Variants in HDAC1 observed in about 807,000 individuals in gnomAD.
HDAC1 encodes protein deacetylase HDAC1.
A neutral mutation model predicts 65.5 loss-of-function variants in HDAC1; 18 were observed. The ratio of observed to expected loss-of-function variants is 0.27; its 90% CI spans 0.19 to 0.41. The LOEUF is 0.41. Ranked by LOEUF, HDAC1 falls within the 10% of genes least tolerant of loss-of-function variation. The pLI is 1.00. For synonymous variants in HDAC1, 211 were observed against 227.9 expected (o/e 0.93, Z 0.67); for missense variants, 373 against 625.2 (o/e 0.60, Z 4.30).
At chr1:32,316,437 C>T (rs1013239833) in intron 2 of HDAC1, among the ~76,000 whole-genome samples, 1 of 152,242 alleles carries the variant, frequency 6.6e-6, no homozygotes, top group Non-Finnish European at 1.5e-5. Flanking sequence ...CTTGCCTAAG[C>T]AACAGAGCTT....
intron 4 of HDAC1, among the ~76,000 whole-genome samples, chr1:32,324,800 T>A (rs1333456618): frequency 6.6e-6 from 1 of 151,990 alleles, no homozygotes; most frequent in Non-Finnish European, 1.5e-5. Context: ...CCCTCCTGTC[T>A]ATAAAAAAAT....
At chr1:32,328,033 CT>C (rs746728091) in intron 6 of HDAC1, among the ~76,000 whole-genome samples, 21 of 152,256 alleles carry the variant, frequency 1.4e-4, no homozygotes, top group Middle Eastern at 3.4e-3. Context: ...TCACTTTCCC[CT>C]TTAGCCTTTT....
Position 32,330,245 on chromosome 1 carries a change from G to C in HDAC1, c.730-333G>C, listed in dbSNP as rs1234088181. Reference sequence around the variant, plus strand: ...TCAAGTCTGTAAGACCGAATGAGTAGAGTAGATGCAGCTAAAGGTCAGGAA... The same window carrying C: ...TCAAGTCTGTAAGACCGAATGAGTACAGTAGATGCAGCTAAAGGTCAGGAA... On this transcript the variant is annotated intron_variant, in intron 7 of 13. Transcript: ENST00000373548. This position sits in a 1 kb window ranked among gnomAD's most constrained non-coding sequence, Gnocchi z 4.2. 1 of 315,672 alleles carries C rather than the reference G, an allele frequency of 3.2e-6. No homozygotes were observed. The highest frequency in any genetic ancestry group is 6.1e-6 in the Non-Finnish European group (1 of 165,130). 19.6% of individuals were successfully genotyped at this position (315,672 alleles called of 1,614,324 possible). A position where few individuals can be genotyped will look rare whatever the true frequency, so the allele number is the denominator to read the frequency against.
chr1:32,319,787 C>T (rs574073036), intron 3 of HDAC1, among the ~76,000 whole-genome samples: 9 of 152,110 alleles, frequency 5.9e-5, no homozygotes, highest in Admixed American at 4.6e-4. Context: ...GTGGCACATG[C>T]CTGTGATTCT....
chr1:32,316,084 C>T (rs1452037275), intron 2 of HDAC1, among the ~76,000 whole-genome samples: 1 of 151,976 alleles, frequency 6.6e-6, no homozygotes, highest in Non-Finnish European at 1.5e-5. Context: ...AGATCAAGAC[C>T]ATCCTAGCTA....
chr1:32,296,558 G>A (rs1432174450), intron 1 of HDAC1, among the ~76,000 whole-genome samples: 1 of 152,036 alleles, frequency 6.6e-6, no homozygotes, highest in Non-Finnish European at 1.5e-5. Context: ...GTTGTCTTTT[G>A]TTTAGAGACA....
Position 32,292,192 on chromosome 1 carries a change from G to C in HDAC1, c.23G>C (p.Arg8Pro). MAQTQGT[R>P]RKVCYYYDGD... is the part of the protein sequence containing the mutation. ...AAGATGGCGCAGACGCAGGGCACCC[G>C]GAGGAAAGTCTGTTACTACTACGAC... The change falls in exon 1 of 14, where the codon CGG becomes CCG. Residue 8 changes from arginine to proline, a missense_variant. Arg to Pro is a moderately radical substitution (Grantham distance 103, BLOSUM62 -2). Around this residue, in one of 4 missense-constraint regions of HDAC1, gnomAD observed 80 missense variants for 126.3 expected, o/e 0.63. Transcript: ENST00000373548. The C allele has an allele frequency of 6.5e-7, 1 of 1,548,842 alleles. No individual in the cohort carries two copies. The highest frequency in any genetic ancestry group is 8.7e-7 in the Non-Finnish European group (1 of 1,146,446).
intron 1 of HDAC1, among the ~76,000 whole-genome samples, chr1:32,293,382 C>T (rs1250185502): frequency 1.3e-5 from 2 of 151,438 alleles, no homozygotes; most frequent in Middle Eastern, 3.5e-3. Context: ...GGCATGCTGT[C>T]CCAAGGAAGT....
intron 2 of HDAC1, among the ~76,000 whole-genome samples, chr1:32,316,360 A>G (rs1465507595): frequency 6.6e-6 from 1 of 152,196 alleles, no homozygotes; most frequent in Non-Finnish European, 1.5e-5. Flanking sequence ...AATTCTCTCA[A>G]CTTCCCTGTG....
intron 4 of HDAC1, among the ~76,000 whole-genome samples, chr1:32,326,057 A>AATGCAC (rs1383264363): frequency 1.3e-5 from 2 of 152,068 alleles, no homozygotes; most frequent in Non-Finnish European, 2.9e-5. Flanking sequence ...CACTGCCACA[A>AATGCAC]ATGCACTTGC....
chr1:32,308,663 C>T (rs1452914796), intron 2 of HDAC1, among the ~76,000 whole-genome samples: 1 of 151,956 alleles, frequency 6.6e-6, no homozygotes, highest in Non-Finnish European at 1.5e-5. Flanking sequence ...GGACTACAGG[C>T]ACCTGCCACC....
At chr1:32,317,557 C>T (rs1020854865) in intron 3 of HDAC1, among the ~76,000 whole-genome samples, 7 of 152,178 alleles carry the variant, frequency 4.6e-5, no homozygotes, top group Non-Finnish European at 8.8e-5. Flanking sequence ...TTTGTTGCTG[C>T]TGACCACAAG....
At chr1:32,318,692 G>C (rs1038327255) in intron 3 of HDAC1, among the ~76,000 whole-genome samples, 8 of 152,024 alleles carry the variant, frequency 5.3e-5, no homozygotes, top group African/African-American at 1.9e-4. Context: ...AATCACTTTT[G>C]CTATTATGAC....
chr1:32,323,610 C>T (rs1382709873), intron 3 of HDAC1, among the ~76,000 whole-genome samples: 1 of 152,070 alleles, frequency 6.6e-6, no homozygotes, highest in African/African-American at 2.4e-5. Context: ...GTTGCCCAGG[C>T]TGGTCTTGAA....
intron 2 of HDAC1, among the ~76,000 whole-genome samples, chr1:32,303,685 C>A (rs1190486774): frequency 6.6e-6 from 1 of 152,032 alleles, no homozygotes; most frequent in East Asian, 1.9e-4. Flanking sequence ...TCCCAAGAAA[C>A]CTTGTCTGTA....
At chr1:32,322,775 G>A (rs1015572980) in intron 3 of HDAC1, among the ~76,000 whole-genome samples, 4 of 152,170 alleles carry the variant, frequency 2.6e-5, no homozygotes, top group African/African-American at 9.7e-5. Flanking sequence ...GAATGTAGCA[G>A]TAAGACACTG....
At chr1:32,293,901 CAAAAAAA>C (rs566733201) in intron 1 of HDAC1, among the ~76,000 whole-genome samples, 1 of 116,854 alleles carries the variant, frequency 8.6e-6, no homozygotes, top group East Asian at 2.5e-4. Flanking sequence ...GACTCCATCT[CAAAAAAA>C]AAAAAAAAAA....
intron 1 of HDAC1, among the ~76,000 whole-genome samples, chr1:32,293,866 C>G (rs1640730842): frequency 1.3e-5 from 2 of 149,420 alleles, no homozygotes; most frequent in African/African-American, 5.0e-5. Context: ...TGCACCGCTG[C>G]ACTCCAGCCT....
chr1:32,316,565 C>G, intron 2 of HDAC1, 100 bp from the exon 3 acceptor site: 2 of 731,572 alleles, frequency 2.7e-6, no homozygotes, highest in Non-Finnish European at 5.0e-6. Flanking sequence ...CTTTATAGCA[C>G]CTAGCTCCAT....
Sources: allele counts gnomAD v4.1 joint callset (sites outside exome capture counted in the v4.1 genomes callset), GRCh38; gene constraint gnomAD v4.1.1; regional missense constraint gnomAD v4.1.1; non-coding constraint Gnocchi (gnomAD v3.1); transcripts MANE v1.5; gene names NCBI Gene and HGNC (gene_info 2026-07-23, HGNC 2026-07-21).